The following EFHC2 variants were observed in gnomAD, a reference collection of about 807,000 sequenced individuals.
EFHC2 encodes EF-hand domain-containing family member C2.
In EFHC2, 18 loss-of-function variants were observed where a neutral mutation model predicts 52.7. That is an observed-to-expected ratio of 0.34 (90% CI 0.24 to 0.51). The LOEUF is 0.51. EFHC2 is among the 20% of genes least tolerant of loss of function. EFHC2 has a pLI of 0.97. For missense variants in EFHC2, 513 were observed against 562.5 expected (o/e 0.91, Z 0.89); for synonymous variants, 203 against 204.1 (o/e 0.99, Z 0.04).
intron 2 of EFHC2, chrX:44,310,436 G>A: frequency 1.0e-6 from 1 of 960,090 alleles, no homozygotes; most frequent in African/African-American, 1.9e-5. Flanking sequence ...CAGCTGCTGC[G>A]GGTCCGTAAT....
At chrX:44,291,947 T>C (rs1344570970) in intron 2 of EFHC2, among the ~76,000 whole-genome samples, 1 of 111,603 alleles carries the variant, frequency 9.0e-6, no homozygotes, top group African/African-American at 3.3e-5. Context: ...AGAGAAGAGA[T>C]TCCAAACCAC....
intron 1 of EFHC2, among the ~76,000 whole-genome samples, chrX:44,316,539 T>C (rs1231018185): frequency 8.9e-6 from 1 of 111,944 alleles, no homozygotes; most frequent in Non-Finnish European, 1.9e-5. Flanking sequence ...CAAAGGATAC[T>C]ATCAAGAGAG....
intron 1 of EFHC2, among the ~76,000 whole-genome samples, chrX:44,325,004 C>A (rs1243879689): frequency 8.9e-6 from 1 of 112,264 alleles, no homozygotes; most frequent in Non-Finnish European, 1.9e-5. Flanking sequence ...AAACTCAAAA[C>A]AACAAAACAC....
At chrX:44,305,122 TGTG>T (rs1465949653) in intron 2 of EFHC2, among the ~76,000 whole-genome samples, 1 of 108,974 alleles carries the variant, frequency 9.2e-6, no homozygotes, top group African/African-American at 3.3e-5. Flanking sequence ...ATTAGCCGGG[TGTG>T]GTGGTGGGTG....
At chrX:44,280,857 C>G (rs2037696663) in intron 2 of EFHC2, among the ~76,000 whole-genome samples, 1 of 112,113 alleles carries the variant, frequency 8.9e-6, no homozygotes, top group Admixed American at 9.5e-5. Context: ...GAAGTATATT[C>G]TGGATAAGCA....
chrX:44,296,087 C>T (rs1431395614), intron 2 of EFHC2, among the ~76,000 whole-genome samples: 3 of 111,843 alleles, frequency 2.7e-5, no homozygotes, highest in African/African-American at 9.7e-5. Context: ...CCCTCCTATC[C>T]ACTTCTTCCT....
intron 7 of EFHC2, among the ~76,000 whole-genome samples, chrX:44,246,681 A>C (rs1460326476): frequency 1.8e-5 from 2 of 111,343 alleles, no homozygotes; most frequent in African/African-American, 3.3e-5. Flanking sequence ...CTGCCTCAAA[A>C]AATTTTCTAG....
chrX:44,157,387 G>T (rs937197077), intron 14 of EFHC2, among the ~76,000 whole-genome samples: 11 of 110,908 alleles, frequency 9.9e-5, no homozygotes, highest in African/African-American at 3.6e-4. Context: ...GTCTCCATTT[G>T]CCCCTCAAGA....
At chrX:44,169,995 C>G (rs2036731284) in intron 13 of EFHC2, among the ~76,000 whole-genome samples, 1 of 111,743 alleles carries the variant, frequency 8.9e-6, no homozygotes, top group African/African-American at 3.3e-5. Flanking sequence ...GTGGCTTCTT[C>G]TTGTGAATGG....
chrX:44,333,389 A>G (rs1449769799), intron 1 of EFHC2, among the ~76,000 whole-genome samples: 1 of 110,930 alleles, frequency 9.0e-6, no homozygotes, highest in Non-Finnish European at 1.9e-5. Flanking sequence ...AGGCAAGGGG[A>G]CAAACAAACT....
At chrX:44,189,320 G>T (rs1321834442) in intron 11 of EFHC2, among the ~76,000 whole-genome samples, 1 of 111,360 alleles carries the variant, frequency 9.0e-6, no homozygotes, top group Non-Finnish European at 1.9e-5. Context: ...TACTGATGAG[G>T]AACTAAGGCC....
At chrX:44,265,072 C>T (rs1445908336) in intron 3 of EFHC2, among the ~76,000 whole-genome samples, 4 of 111,709 alleles carry the variant, frequency 3.6e-5, no homozygotes, top group African/African-American at 1.3e-4. Context: ...TGCTATCTGG[C>T]TATGCTCTTC....
At chrX:44,254,467 G>A (rs1282015859) in intron 4 of EFHC2, among the ~76,000 whole-genome samples, 2 of 112,251 alleles carry the variant, frequency 1.8e-5, no homozygotes, top group Non-Finnish European at 3.8e-5. Context: ...CGAGAGCTTT[G>A]TGAAGCATAC....
intron 2 of EFHC2, among the ~76,000 whole-genome samples, chrX:44,282,667 A>G: frequency 2.1e-5 from 1 of 48,001 alleles, no homozygotes; most frequent in African/African-American, 7.1e-5. Context: ...GGAGAGGAGG[A>G]CAAAGAAAAA....
At chrX:44,244,269 T>A (rs754858897) in intron 7 of EFHC2, among the ~76,000 whole-genome samples, 1 of 111,858 alleles carries the variant, frequency 8.9e-6, no homozygotes, top group East Asian at 2.8e-4. Flanking sequence ...TACCACCACA[T>A]ACATCTTTTT....
intron 1 of EFHC2, among the ~76,000 whole-genome samples, chrX:44,316,276 TC>T (rs1264147562): frequency 9.0e-6 from 1 of 111,502 alleles, no homozygotes; most frequent in Non-Finnish European, 1.9e-5. Flanking sequence ...CAAACCCCTC[TC>T]CCCACCAAGG....
chrX:44,182,097 A>G (rs765957666), intron 11 of EFHC2, among the ~76,000 whole-genome samples: 3 of 110,129 alleles, frequency 2.7e-5, no homozygotes, highest in African/African-American at 9.9e-5. Context: ...CTCCTTCCTA[A>G]CCCTCCTCCC....
At chrX:44,334,693 C>T (rs1260288688) in intron 1 of EFHC2, among the ~76,000 whole-genome samples, 1 of 111,856 alleles carries the variant, frequency 8.9e-6, no homozygotes, top group Non-Finnish European at 1.9e-5. Flanking sequence ...AGGCTGGTCT[C>T]AAACTCCTGA....
intron 14 of EFHC2, among the ~76,000 whole-genome samples, chrX:44,157,642 C>T (rs1187581063): frequency 1.8e-5 from 2 of 110,454 alleles, no homozygotes; most frequent in Non-Finnish European, 3.8e-5. Flanking sequence ...ACTCTACCTG[C>T]TGCTATAGTT....
Sources: gnomAD v4.1 joint callset for allele counts (sites outside exome capture counted in the v4.1 genomes callset) on GRCh38, gnomAD v4.1.1 for gene constraint, MANE v1.5 for transcripts, NCBI Gene and HGNC (gene_info 2026-07-23, HGNC 2026-07-21) for gene names.